The following PLA2G4A variants were observed in gnomAD, a reference collection of about 807,000 sequenced individuals.
The protein encoded by PLA2G4A is cytosolic phospholipase A2.
Under a neutral mutation model 81.9 loss-of-function variants are expected in PLA2G4A, and 40 were observed. The observed-to-expected ratio is 0.49, with a 90% CI of 0.38 to 0.64. The LOEUF (loss-of-function observed/expected upper bound fraction) is 0.64, where lower values mean the gene tolerates loss of function less well. Among genes scored for constraint, PLA2G4A ranks in the 30% least tolerant of loss-of-function variants. The probability of loss-of-function intolerance (pLI) is 0.00; values close to 1 mark genes in which losing one functional copy is unlikely to be tolerated. For missense variants in PLA2G4A, 715 were observed against 905.1 expected, an observed-to-expected ratio of 0.79 and a Z score of 2.69; for synonymous variants, 302 against 296.9, an observed-to-expected ratio of 1.02 and a Z score of -0.18.
intron 3 of PLA2G4A, among the ~76,000 whole-genome samples, chr1:186,878,796 A>G (rs1653619931): frequency 6.6e-6 from 1 of 151,902 alleles, no homozygotes; most frequent in African/African-American, 2.4e-5. Context: ...ATATTCTATG[A>G]TATTTCAATA....
intron 9 of PLA2G4A, among the ~76,000 whole-genome samples, chr1:186,939,690 A>G (rs1414450430): frequency 1.3e-5 from 2 of 152,136 alleles, no homozygotes; most frequent in Non-Finnish European, 2.9e-5. Context: ...AGCGCCTGTG[A>G]CAGGGAGTCC....
At chr1:186,861,199 G>A (rs1652783896) in intron 2 of PLA2G4A, among the ~76,000 whole-genome samples, 1 of 152,164 alleles carries the variant, frequency 6.6e-6, no homozygotes, top group Non-Finnish European at 1.5e-5. Context: ...ATTAAAATGG[G>A]TTACCAGTAC....
intron 5 of PLA2G4A, among the ~76,000 whole-genome samples, chr1:186,902,282 C>T (rs996367023): frequency 3.3e-5 from 5 of 152,168 alleles, no homozygotes; most frequent in Admixed American, 6.5e-5. Context: ...CTATGCAGTA[C>T]ATGACTGTAT....
intron 1 of PLA2G4A, among the ~76,000 whole-genome samples, chr1:186,848,744 C>G (rs947828233): frequency 1.3e-5 from 2 of 151,680 alleles, no homozygotes; most frequent in Non-Finnish European, 2.9e-5. Context: ...CACACACACA[C>G]ATACACACAT....
At chr1:186,965,616 T>G (rs887899272) in intron 15 of PLA2G4A, 23 bp downstream of exon 15, 3 of 1,527,284 alleles carry the variant, frequency 2.0e-6, no homozygotes, top group Non-Finnish European at 2.7e-6. Context: ...AATACAGCAT[T>G]CCATTCTCTA....
chr1:186,968,700 C>T (rs1429098703), intron 15 of PLA2G4A, among the ~76,000 whole-genome samples: 2 of 151,592 alleles, frequency 1.3e-5, no homozygotes. Context: ...TAATCATTAT[C>T]CTTGCACATG....
At chr1:186,870,334 T>C (rs1207247181) in intron 2 of PLA2G4A, 101 bp from the exon 3 acceptor site, 1 of 743,484 alleles carries the variant, frequency 1.3e-6, no homozygotes, top group African/African-American at 1.7e-5. Context: ...CTGGTATGCA[T>C]GCTACTTGTT....
Position 186,956,330 on chromosome 1 carries a change from A to ATG in PLA2G4A, c.1566_1567dup (p.Ala523ValfsTer4). On this transcript the variant is annotated frameshift_variant, in exon 14 of 18. Coordinates refer to ENST00000367466, the MANE Select transcript of PLA2G4A (RefSeq NM_024420.3). LOFTEE classifies it high-confidence loss of function. ...GACTCCTTTGATGATGATGAACTGGATGCAGCTGTAGCAGGTAAGTGTACA... is the reference window on the plus strand; with the variant it reads ...GACTCCTTTGATGATGATGAACTGGATGTGCAGCTGTAGCAGGTAAGTGTACA... 1 of 1,613,760 alleles carries ATG rather than the reference A, an allele frequency of 6.2e-7. No individual in the cohort carries two copies. The highest frequency in any genetic ancestry group is 2.2e-5 in the East Asian group (1 of 44,864).
intron 7 of PLA2G4A, among the ~76,000 whole-genome samples, chr1:186,913,701 C>G (rs567923730): frequency 6.6e-6 from 1 of 151,990 alleles, no homozygotes; most frequent in African/African-American, 2.4e-5. Context: ...AATTATTTCT[C>G]GTAGGAATTA....
At chr1:186,851,009 A>G (rs1652353737) in intron 1 of PLA2G4A, among the ~76,000 whole-genome samples, 1 of 152,068 alleles carries the variant, frequency 6.6e-6, no homozygotes, top group African/African-American at 2.4e-5. Context: ...AAAGCAAATC[A>G]TATGCATTGA....
At chr1:186,918,469 G>A (rs1387380750) in intron 7 of PLA2G4A, among the ~76,000 whole-genome samples, 7 of 152,190 alleles carry the variant, frequency 4.6e-5, no homozygotes, top group Non-Finnish European at 8.8e-5. Flanking sequence ...TACAGCCCGA[G>A]TTAAAGCAAT....
At chr1:186,914,014 T>G (rs1450156551) in intron 7 of PLA2G4A, among the ~76,000 whole-genome samples, 1 of 152,182 alleles carries the variant, frequency 6.6e-6, no homozygotes, top group Non-Finnish European at 1.5e-5. Context: ...TAAAGGAAAC[T>G]AAGGAAACCT....
chr1:186,869,117 T>C (rs980535194), intron 2 of PLA2G4A, among the ~76,000 whole-genome samples: 1 of 152,080 alleles, frequency 6.6e-6, no homozygotes, highest in Non-Finnish European at 1.5e-5. Flanking sequence ...GGTGGTAACT[T>C]AGATTATTGA....
intron 1 of PLA2G4A, among the ~76,000 whole-genome samples, chr1:186,830,986 C>CT (rs1306530488): frequency 7.2e-5 from 10 of 139,316 alleles, no homozygotes; most frequent in African/African-American, 2.6e-4. Context: ...TTCTTTCTTT[C>CT]TTTCTTTCTT....
chr1:186,885,980 G>C (rs1201408792), intron 3 of PLA2G4A, among the ~76,000 whole-genome samples: 1 of 152,092 alleles, frequency 6.6e-6, no homozygotes, highest in Non-Finnish European at 1.5e-5. Context: ...AAATATAATG[G>C]CTGGGTATTT....
rs141656718 is a variant in PLA2G4A at position 186,830,423 on chromosome 1, C to A, written c.-70+1388C>A. On this transcript the variant is annotated intron_variant, in intron 1 of 17. Coordinates refer to ENST00000367466, the MANE Select transcript of PLA2G4A (RefSeq NM_024420.3). ...AGGAGTTCGAGACCAGCCTGGCCAA[C>A]GTGGTGAAACCCCATCTCTACTAAA... Among the ~76,000 whole-genome samples, 99 of 151,844 alleles carry A rather than the reference C, an allele frequency of 6.5e-4. 2 individuals carry two copies. In the East Asian group the frequency reaches 0.011, roughly 17 times the overall value.
chr1:186,934,443 C>CAT lies in PLA2G4A; in HGVS notation c.695+1564_695+1565dup, dbSNP rs71571011. On this transcript the variant is annotated intron_variant, in intron 8 of 17. Transcript: ENST00000367466. ...TAATTAAAAGGATTTTAAATGTGCA[C>CAT]ATATATATATATATATATATACATA... Among the ~76,000 whole-genome samples, 444 of 99,562 alleles carry CAT rather than the reference C, an allele frequency of 4.5e-3. 25 individuals carry two copies. The highest frequency in any genetic ancestry group is 7.0e-3 in the African/African-American group (155 of 22,254). The allele number at this position is 99,562 out of a possible 152,430, so 65.3% of individuals were successfully genotyped here. A position where few individuals can be genotyped will look rare whatever the true frequency, so the allele number is the denominator to read the frequency against.
intron 14 of PLA2G4A, among the ~76,000 whole-genome samples, chr1:186,961,675 G>T (rs1375772227): frequency 6.6e-6 from 1 of 151,876 alleles, no homozygotes; most frequent in Non-Finnish European, 1.5e-5. Context: ...TGATGATAAG[G>T]GGCAAACCAA....
chr1:186,985,977 C>G (rs1485943368), intron 17 of PLA2G4A, among the ~76,000 whole-genome samples: 4 of 152,152 alleles, frequency 2.6e-5, no homozygotes, highest in Non-Finnish European at 5.9e-5. Context: ...AGTAACTGAT[C>G]TAATACTGGG....
Sources: gnomAD v4.1 joint callset for allele counts (sites outside exome capture counted in the v4.1 genomes callset) on GRCh38, gnomAD v4.1.1 for gene constraint, MANE v1.5 for transcripts, NCBI Gene and HGNC (gene_info 2026-07-23, HGNC 2026-07-21) for gene names.